The following CADM2 variants were observed in gnomAD, a reference collection of about 807,000 sequenced individuals.
CADM2 encodes immunoglobulin superfamily member 4D.
CADM2 carries 12 observed loss-of-function variants against 49.8 expected under a neutral mutation model. The observed-to-expected ratio is 0.24, with a 90% CI of 0.15 to 0.39. The LOEUF (loss-of-function observed/expected upper bound fraction) is 0.39. Ranked by LOEUF, CADM2 falls within the 10% of genes least tolerant of loss-of-function variation. The pLI is 1.00. For synonymous variants in CADM2, 214 were observed against 175.4 expected (o/e 1.22, Z -1.74); for missense variants, 378 against 492.3 (o/e 0.77, Z 2.20).
chr3:85,084,959 T>G (rs1295472857), intron 1 of CADM2, among the ~76,000 whole-genome samples: 1 of 152,140 alleles, frequency 6.6e-6, no homozygotes, highest in African/African-American at 2.4e-5. Flanking sequence ...TTGATAGAAA[T>G]TATATACAGT....
At chr3:84,972,541 A>C (rs935825433) in intron 1 of CADM2, among the ~76,000 whole-genome samples, 5 of 152,232 alleles carry the variant, frequency 3.3e-5, no homozygotes, top group Non-Finnish European at 7.3e-5. Flanking sequence ...ACAAAATCAC[A>C]TCCATAGATC....
intron 1 of CADM2, among the ~76,000 whole-genome samples, chr3:85,163,909 A>AT (rs1374064345): frequency 2.0e-5 from 3 of 152,068 alleles, no homozygotes; most frequent in African/African-American, 7.2e-5. Context: ...AACCATTAGT[A>AT]GTAATTCCTC....
At chr3:85,045,745 A>G (rs1465981168) in intron 1 of CADM2, among the ~76,000 whole-genome samples, 1 of 152,086 alleles carries the variant, frequency 6.6e-6, no homozygotes, top group Non-Finnish European at 1.5e-5. Flanking sequence ...GTTGACAAAT[A>G]TTCAACACTC....
chr3:85,911,792 G>A (rs1717623796), intron 5 of CADM2, among the ~76,000 whole-genome samples: 1 of 152,096 alleles, frequency 6.6e-6, no homozygotes, highest in Middle Eastern at 3.2e-3. Context: ...GATATGCATT[G>A]TTTTAATGGA....
chr3:85,707,128 A>T (rs2066973895), intron 1 of CADM2, among the ~76,000 whole-genome samples: 4 of 152,002 alleles, frequency 2.6e-5, no homozygotes, highest in Non-Finnish European at 1.5e-5. Flanking sequence ...CACCAAGCCC[A>T]ACCTTACTTT....
intron 8 of CADM2, among the ~76,000 whole-genome samples, chr3:86,021,325 C>T (rs1448899371): frequency 6.6e-6 from 1 of 152,080 alleles, no homozygotes; most frequent in East Asian, 1.9e-4. Context: ...TATCCATCCA[C>T]TTCAATTCCC....
intron 1 of CADM2, among the ~76,000 whole-genome samples, chr3:85,110,710 AT>A (rs1459756940): frequency 2.0e-5 from 3 of 151,816 alleles, no homozygotes; most frequent in Non-Finnish European, 4.4e-5. Flanking sequence ...GAAAAATTAC[AT>A]TCATTTTTTC....
intron 1 of CADM2, among the ~76,000 whole-genome samples, chr3:85,477,117 T>C (rs962535616): frequency 6.6e-6 from 1 of 151,858 alleles, no homozygotes; most frequent in Non-Finnish European, 1.5e-5. Flanking sequence ...GCATGACCAC[T>C]GGGTATGTGT....
chr3:85,355,429 T>C (rs2031772720), intron 1 of CADM2, among the ~76,000 whole-genome samples: 2 of 152,118 alleles, frequency 1.3e-5, no homozygotes, highest in Non-Finnish European at 2.9e-5. Context: ...ACTTAGGGTA[T>C]TATTTTTATT....
intron 1 of CADM2, among the ~76,000 whole-genome samples, chr3:85,067,812 T>TA (rs1295649001): frequency 6.6e-6 from 1 of 152,204 alleles, no homozygotes; most frequent in Non-Finnish European, 1.5e-5. Flanking sequence ...GTTTCTTTAT[T>TA]AAAAAATCAT....
intron 1 of CADM2, among the ~76,000 whole-genome samples, chr3:85,371,367 A>G (rs1290402258): frequency 2.0e-5 from 3 of 151,952 alleles, no homozygotes; most frequent in Non-Finnish European, 4.4e-5. Flanking sequence ...TACCTCTTCT[A>G]TGTTTACATA....
chr3:85,530,454 C>A (rs1438763568), intron 1 of CADM2, among the ~76,000 whole-genome samples: 2 of 151,474 alleles, frequency 1.3e-5, no homozygotes, highest in Admixed American at 6.6e-5. Context: ...CCTCAGCCTC[C>A]CAAGTCGCTG....
At chr3:85,917,026 A>G (rs1297775661) in intron 6 of CADM2, among the ~76,000 whole-genome samples, 1 of 149,344 alleles carries the variant, frequency 6.7e-6, no homozygotes, top group Non-Finnish European at 1.5e-5. Flanking sequence ...GTTTTTTTTT[A>G]TTGTAAATTT....
At chr3:85,718,693 T>C (rs930578130) in intron 1 of CADM2, among the ~76,000 whole-genome samples, 4 of 151,870 alleles carry the variant, frequency 2.6e-5, no homozygotes, top group African/African-American at 7.2e-5. Flanking sequence ...AAAAATTTAA[T>C]ATAAAATATC....
intron 1 of CADM2, among the ~76,000 whole-genome samples, chr3:85,392,376 A>G (rs560174078): frequency 6.6e-6 from 1 of 152,190 alleles, no homozygotes; most frequent in South Asian, 2.1e-4. Flanking sequence ...AAACTAACAG[A>G]TTATTATAAT....
chr3:85,901,059 T>C (rs1716056085), intron 5 of CADM2, among the ~76,000 whole-genome samples: 1 of 152,130 alleles, frequency 6.6e-6, no homozygotes, highest in Non-Finnish European at 1.5e-5. Flanking sequence ...TAGCTGGGCG[T>C]GGTGGTGCAC....
chr3:85,313,629 G>A (rs1377703220), intron 1 of CADM2, among the ~76,000 whole-genome samples: 2 of 152,148 alleles, frequency 1.3e-5, no homozygotes, highest in African/African-American at 4.8e-5. Context: ...ACTAACCAGG[G>A]TGATGAGCTA....
intron 1 of CADM2, among the ~76,000 whole-genome samples, chr3:85,424,397 G>GT (rs1412364675): frequency 3.3e-5 from 5 of 151,668 alleles, no homozygotes; most frequent in African/African-American, 9.7e-5. Flanking sequence ...ATAAACTATT[G>GT]TTTTTTCTCT....
intron 1 of CADM2, among the ~76,000 whole-genome samples, chr3:85,524,183 T>C (rs4856580): frequency 6.6e-6 from 1 of 151,940 alleles, no homozygotes; most frequent in African/African-American, 2.4e-5. Context: ...GGCAGCTTTT[T>C]ATTTCATTGA....
Sources: allele counts gnomAD v4.1 joint callset (sites outside exome capture counted in the v4.1 genomes callset), GRCh38; gene constraint gnomAD v4.1.1; transcripts MANE v1.5; gene names NCBI Gene and HGNC (gene_info 2026-07-23, HGNC 2026-07-21).